Variants in KLRF1 observed in about 807,000 individuals in gnomAD.
KLRF1 encodes the protein killer cell lectin-like receptor subfamily F member 1.
KLRF1 carries 27 observed loss-of-function variants against 30.7 expected under a neutral mutation model. The observed-to-expected ratio is 0.88, with a 90% CI of 0.65 to 1.21. The LOEUF is 1.21. Among genes scored for constraint, KLRF1 ranks in the 50% most tolerant of loss-of-function variants. The pLI is 0.00. For missense variants in KLRF1, 246 were observed against 259.3 expected, an observed-to-expected ratio of 0.95 and a Z score of 0.35; for synonymous variants, 92 against 89.3, an observed-to-expected ratio of 1.03 and a Z score of -0.17.
upstream of KLRF1, among the ~76,000 whole-genome samples, chr12:9,823,461 C>A (rs1410007459): frequency 2.0e-5 from 3 of 152,028 alleles, no homozygotes; most frequent in African/African-American, 7.2e-5. Context: ...ATACGACATA[C>A]CAGAATCTCT....
upstream of KLRF1, among the ~76,000 whole-genome samples, chr12:9,824,324 C>A (rs2895991): frequency 0.96 from 146,226 of 152,284 alleles, 70,394 homozygotes; most frequent in Non-Finnish European, 1. Context: ...ACATACACAA[C>A]TCAATAAATA....
chr12:9,832,250 A>T, intron 1 of KLRF1, 66 bp from the exon 2 acceptor site: 2 of 840,850 alleles, frequency 2.4e-6, no homozygotes, highest in Non-Finnish European at 4.0e-6. Context: ...CTATTATTAC[A>T]ATTGCTATTG....
the KLRF1 span, among the ~76,000 whole-genome samples, chr12:9,810,312 G>C: frequency 6.6e-6 from 1 of 152,154 alleles, no homozygotes; most frequent in Non-Finnish European, 1.5e-5. Flanking sequence ...CGGAAGTTAA[G>C]CTCCCAGAAA....
At chr12:9,803,707 T>G in the KLRF1 span, among the ~76,000 whole-genome samples, 1 of 152,040 alleles carries the variant, frequency 6.6e-6, no homozygotes, top group Admixed American at 6.6e-5. Flanking sequence ...GATCCTTTGC[T>G]CCTTTGTACT....
At chr12:9,837,541 C>A (rs1428046309) in intron 3 of KLRF1, among the ~76,000 whole-genome samples, 2 of 152,086 alleles carry the variant, frequency 1.3e-5, no homozygotes, top group Non-Finnish European at 2.9e-5. Flanking sequence ...TTGTGCCTGG[C>A]CTTCCAGATT....
At chr12:9,817,019 C>G in the KLRF1 span, among the ~76,000 whole-genome samples, 3 of 152,148 alleles carry the variant, frequency 2.0e-5, no homozygotes, top group South Asian at 6.2e-4. Context: ...TTTCTCTCAA[C>G]CTGCCACTAT....
At chr12:9,808,459 G>A in the KLRF1 span, among the ~76,000 whole-genome samples, 2 of 151,872 alleles carry the variant, frequency 1.3e-5, no homozygotes, top group Non-Finnish European at 2.9e-5. Context: ...CTAGGTTCAT[G>A]GTAATCATCT....
chr12:9,812,632 A>G, the KLRF1 span, among the ~76,000 whole-genome samples: 2 of 152,128 alleles, frequency 1.3e-5, no homozygotes, highest in African/African-American at 2.4e-5. Flanking sequence ...CCTGCTATCT[A>G]TCAGATTCTG....
chr12:9,840,804 T>C (rs1440522904), intron 3 of KLRF1, among the ~76,000 whole-genome samples: 1 of 152,002 alleles, frequency 6.6e-6, no homozygotes, highest in Non-Finnish European at 1.5e-5. Flanking sequence ...AAGAATAACG[T>C]GCTGGTGAGG....
chr12:9,811,934 A>T, the KLRF1 span, among the ~76,000 whole-genome samples: 1 of 152,214 alleles, frequency 6.6e-6, no homozygotes, highest in African/African-American at 2.4e-5. Flanking sequence ...ATGGTGTTTT[A>T]ACATTAAATC....
At chr12:9,807,172 G>A in the KLRF1 span, among the ~76,000 whole-genome samples, 1 of 60,272 alleles carries the variant, frequency 1.7e-5, no homozygotes, top group African/African-American at 5.9e-5. Flanking sequence ...AATTTCAGTA[G>A]GATCTAGAAA....
chr12:9,818,837 G>A, the KLRF1 span, among the ~76,000 whole-genome samples: 2 of 152,276 alleles, frequency 1.3e-5, no homozygotes, highest in South Asian at 2.1e-4. Flanking sequence ...CCAACTAGAA[G>A]CAGCTAGTGT....
chr12:9,842,055 G>C, intron 4 of KLRF1, 104 bp downstream of exon 4: 1 of 1,287,028 alleles, frequency 7.8e-7, no homozygotes, highest in Non-Finnish European at 1.1e-6. Flanking sequence ...CTTGATTATC[G>C]AGTTTTGGGC....
At chr12:9,806,793 G>A in the KLRF1 span, among the ~76,000 whole-genome samples, 4 of 151,860 alleles carry the variant, frequency 2.6e-5, no homozygotes, top group Non-Finnish European at 5.9e-5. Context: ...GCAATCCTTC[G>A]CTTTAGCCTT....
At chr12:9,842,948 C>T (rs1203023242) in intron 5 of KLRF1, among the ~76,000 whole-genome samples, 1 of 151,998 alleles carries the variant, frequency 6.6e-6, no homozygotes, top group Non-Finnish European at 1.5e-5. Flanking sequence ...AATTCAAAAT[C>T]CTATTCCTAT....
chr12:9,839,851 A>C (rs756356920), intron 3 of KLRF1, among the ~76,000 whole-genome samples: 1 of 152,246 alleles, frequency 6.6e-6, no homozygotes, highest in South Asian at 2.1e-4. Flanking sequence ...TTAGGTATAT[A>C]TTTAATAAAA....
chr12:9,842,038 C>T, intron 4 of KLRF1, 87 bp downstream of exon 4: 3 of 1,378,514 alleles, frequency 2.2e-6, no homozygotes, highest in Non-Finnish European at 3.0e-6. Context: ...ATTAAATCAT[C>T]ATTTACCTTG....
At chr12:9,838,166 A>T (rs1403990377) in intron 3 of KLRF1, among the ~76,000 whole-genome samples, 4 of 152,130 alleles carry the variant, frequency 2.6e-5, no homozygotes, top group Admixed American at 6.6e-5. Flanking sequence ...TCCTGCTCCC[A>T]CATAGGGATA....
chr12:9,804,234 T>C, the KLRF1 span, among the ~76,000 whole-genome samples: 1 of 151,994 alleles, frequency 6.6e-6, no homozygotes, highest in Non-Finnish European at 1.5e-5. Context: ...CTTTTATGTC[T>C]TCTTGGGAGA....
Sources: gnomAD v4.1 joint callset for allele counts (sites outside exome capture counted in the v4.1 genomes callset) on GRCh38, gnomAD v4.1.1 for gene constraint, MANE v1.5 for transcripts, NCBI Gene and HGNC (gene_info 2026-07-23, HGNC 2026-07-21) for gene names.